MTAP: variants seen among roughly 807,000 people sequenced by gnomAD.
The protein encoded by MTAP is methylthioadenosine phosphorylase, also known as S-methyl-5'-thioadenosine phosphorylase.
Under a neutral mutation model 33.6 loss-of-function variants are expected in MTAP, and 33 were observed. The observed-to-expected ratio is 0.98, with a 90% CI of 0.74 to 1.31. MTAP has a LOEUF of 1.31. Ranked by LOEUF, MTAP falls within the 40% of genes most tolerant of loss-of-function variation. The pLI is 0.00. For synonymous variants in MTAP, 148 were observed against 125.7 expected, an observed-to-expected ratio of 1.18 and a Z score of -1.19; for missense variants, 367 against 360.0, an observed-to-expected ratio of 1.02 and a Z score of -0.16.
exon 8 of MTAP, chr9:21,937,487 C>T (rs1179273512): frequency 5.9e-5 from 9 of 152,110 alleles, no homozygotes; most frequent in East Asian, 3.8e-4. Context: ...TGTAACTAAT[C>T]GGCCTACAAA....
chr9:21,845,381 A>G (rs1311602730), intron 5 of MTAP, among the ~76,000 whole-genome samples: 2 of 152,210 alleles, frequency 1.3e-5, no homozygotes, highest in African/African-American at 2.4e-5. Flanking sequence ...ATAGACCAAC[A>G]GCAACCAAGC....
intron 1 of MTAP, among the ~76,000 whole-genome samples, chr9:21,911,765 G>A (rs915642244): frequency 6.6e-6 from 1 of 152,066 alleles, no homozygotes; most frequent in African/African-American, 2.4e-5. Flanking sequence ...CAGAAGGCAA[G>A]AAATAACCAA....
At chr9:21,867,262 A>G (rs1825867737), downstream of MTAP, among the ~76,000 whole-genome samples, 1 of 152,136 alleles carries the variant, frequency 6.6e-6, no homozygotes, top group East Asian at 1.9e-4. Context: ...CTTATTCTCA[A>G]CAGCAGAGGA....
intron 1 of MTAP, among the ~76,000 whole-genome samples, chr9:21,918,882 C>T (rs1818738920): frequency 6.6e-6 from 1 of 152,116 alleles, no homozygotes; most frequent in South Asian, 2.1e-4. Context: ...TTATAAATTA[C>T]CCAGTCTTGG....
At chr9:21,901,768 A>G (rs776294485) in intron 1 of MTAP, among the ~76,000 whole-genome samples, 22 of 152,324 alleles carry the variant, frequency 1.4e-4, no homozygotes, top group Admixed American at 7.2e-4. Flanking sequence ...AGCTTGTGAC[A>G]TTTTCTCATA....
chr9:21,930,909 C>T (rs1818947607), intron 1 of MTAP: 1 of 640,706 alleles, frequency 1.6e-6, no homozygotes, highest in African/African-American at 1.8e-5. Context: ...CTGGGTTCTT[C>T]CCTTTTTAGG....
At position 21,866,091 on chromosome 9, in the gene MTAP, T is replaced by C. The variant is rs1825848846; in HGVS notation, c.*4077T>C. 6.6e-6 allele frequency: 1 copy of C among 152,330 alleles called. No individual in the cohort carries two copies. The highest frequency in any genetic ancestry group is 2.4e-5 in the African/African-American group (1 of 41,462). The allele number at this position is 152,330 out of a possible 1,614,324, so 9.4% of individuals were successfully genotyped here. On this transcript the variant is annotated 3_prime_UTR_variant, in exon 8 of 8. Coordinates refer to ENST00000644715, the MANE Select transcript of MTAP (RefSeq NM_002451.4). Reference sequence around the variant, plus strand: ...AGCGTTTTTAATTTTAGCCATTCTATTGGGTATATTTTGATATCTCGTGGT... The same window carrying C: ...AGCGTTTTTAATTTTAGCCATTCTACTGGGTATATTTTGATATCTCGTGGT...
chr9:21,904,474 C>T (rs1818443182), intron 1 of MTAP, among the ~76,000 whole-genome samples: 1 of 152,104 alleles, frequency 6.6e-6, no homozygotes, highest in African/African-American at 2.4e-5. Context: ...CCAGCACTCC[C>T]ATATCAATAG....
exon 8 of MTAP, chr9:21,936,757 G>A (rs1819046184): frequency 6.6e-6 from 1 of 151,958 alleles, no homozygotes; most frequent in Non-Finnish European, 1.5e-5. Context: ...GTTACTAAGA[G>A]TTAACAATTT....
At chr9:21,868,611 A>G (rs979069140), downstream of MTAP, among the ~76,000 whole-genome samples, 1 of 152,158 alleles carries the variant, frequency 6.6e-6, no homozygotes, top group African/African-American at 2.4e-5. Context: ...TGTGTAAATA[A>G]AAATCTGATT....
At chr9:21,938,838 C>A (rs574810124), downstream of MTAP, among the ~76,000 whole-genome samples, 37 of 152,268 alleles carry the variant, frequency 2.4e-4, no homozygotes, top group African/African-American at 8.9e-4. Context: ...TTTCTGGTAA[C>A]TTTAAGATCA....
At chr9:21,917,841 G>A (rs149299227) in intron 1 of MTAP, among the ~76,000 whole-genome samples, 1,643 of 152,256 alleles carry the variant, frequency 0.011, 16 homozygotes, top group Non-Finnish European at 0.015. Context: ...ACCAATCTAA[G>A]TGCCCATCGA....
intron 1 of MTAP, among the ~76,000 whole-genome samples, chr9:21,895,453 C>T (rs761805109): frequency 5.9e-5 from 9 of 152,292 alleles, no homozygotes; most frequent in South Asian, 2.1e-4. Context: ...ACTGAGGTAC[C>T]GGGTTCATCT....
intron 4 of MTAP, among the ~76,000 whole-genome samples, chr9:21,833,965 A>G (rs1004070740): frequency 6.6e-6 from 1 of 151,916 alleles, no homozygotes; most frequent in African/African-American, 2.4e-5. Flanking sequence ...CTGCCAGCAC[A>G]CATCATTTTG....
chr9:21,894,103 A>G (rs1355525890), intron 1 of MTAP, among the ~76,000 whole-genome samples: 2 of 152,132 alleles, frequency 1.3e-5, no homozygotes, highest in Non-Finnish European at 2.9e-5. Context: ...AATGTACACA[A>G]ATCAATAAAT....
intron 1 of MTAP, among the ~76,000 whole-genome samples, chr9:21,923,737 A>G (rs572795422): frequency 6.6e-6 from 1 of 152,308 alleles, no homozygotes; most frequent in African/African-American, 2.4e-5. Flanking sequence ...AAGGGAGGGA[A>G]GTGCAGCCTC....
chr9:21,860,761 G>C (rs1378512898), intron 7 of MTAP: 3 of 152,252 alleles, frequency 2.0e-5, no homozygotes, highest in Non-Finnish European at 4.4e-5. Context: ...TTGTTTGTTT[G>C]AGACGGAGTC....
chr9:21,815,923 G>A (rs924608817), intron 2 of MTAP, among the ~76,000 whole-genome samples: 3 of 152,136 alleles, frequency 2.0e-5, no homozygotes, highest in African/African-American at 4.8e-5. Context: ...GTTACGAAGC[G>A]GCATTTGAGT....
intron 1 of MTAP, among the ~76,000 whole-genome samples, chr9:21,906,628 T>C (rs545542005): frequency 3.7e-4 from 57 of 152,268 alleles, no homozygotes; most frequent in African/African-American, 1.3e-3. Flanking sequence ...TGAAAATCTT[T>C]GCCAAATTAT....
Sources: gnomAD v4.1 joint callset for allele counts (sites outside exome capture counted in the v4.1 genomes callset) on GRCh38, gnomAD v4.1.1 for gene constraint, MANE v1.5 for transcripts, NCBI Gene and HGNC (gene_info 2026-07-23, HGNC 2026-07-21) for gene names.